Variants in PITPNC1 observed in about 807,000 individuals in gnomAD.
PITPNC1 encodes the protein cytoplasmic phosphatidylinositol transfer protein 1.
Under a neutral mutation model 44.7 loss-of-function variants are expected in PITPNC1, and 18 were observed. That is an observed-to-expected ratio of 0.40 (90% CI 0.28 to 0.60). The LOEUF (loss-of-function observed/expected upper bound fraction) is 0.60. PITPNC1 is among the 20% of genes least tolerant of loss of function. PITPNC1 has a pLI of 0.39. For missense variants in PITPNC1, 290 were observed against 418.4 expected (o/e 0.69, Z 2.68); for synonymous variants, 141 against 149.6 (o/e 0.94, Z 0.42).
chr17:67,496,477 CTGTGT>C (rs1243224147), intron 1 of PITPNC1, among the ~76,000 whole-genome samples: 1 of 152,138 alleles, frequency 6.6e-6, no homozygotes, highest in African/African-American at 2.4e-5. Context: ...AAAACCTGTG[CTGTGT>C]TGAGTGCACC....
intron 1 of PITPNC1, 79 bp from the exon 2 acceptor site, chr17:67,532,723 C>A: frequency 8.4e-7 from 1 of 1,187,678 alleles, no homozygotes; most frequent in Non-Finnish European, 1.2e-6. Context: ...TTATTAGTGG[C>A]TTGCCAAGCT....
intron 1 of PITPNC1, among the ~76,000 whole-genome samples, chr17:67,464,387 C>T (rs1417672557): frequency 6.6e-6 from 1 of 152,088 alleles, no homozygotes; most frequent in Non-Finnish European, 1.5e-5. Context: ...CTCAGAACGT[C>T]CTGCTGTTCA....
intron 1 of PITPNC1, among the ~76,000 whole-genome samples, chr17:67,496,230 T>A (rs2039950597): frequency 6.6e-6 from 1 of 152,214 alleles, no homozygotes; most frequent in African/African-American, 2.4e-5. Context: ...AACGAATGCT[T>A]CCGTGATGGA....
intron 8 of PITPNC1, chr17:67,687,076 G>C: frequency 6.2e-7 from 1 of 1,600,654 alleles, no homozygotes; most frequent in Non-Finnish European, 8.6e-7. Context: ...ATATGACAAT[G>C]GATGATGTTC....
At chr17:67,652,509 G>T (rs2042220369) in intron 6 of PITPNC1, among the ~76,000 whole-genome samples, 1 of 152,212 alleles carries the variant, frequency 6.6e-6, no homozygotes, top group Non-Finnish European at 1.5e-5. Context: ...ATACAGATGG[G>T]CTTTAACTAC....
Position 67,648,987 on chromosome 17 carries a change from A to C in PITPNC1, c.462+16749A>C, listed in dbSNP as rs553537675. Among the ~76,000 whole-genome samples the C allele has an allele frequency of 3.9e-5, 6 of 152,144 alleles. No individual in the cohort carries two copies. In the South Asian group the frequency reaches 1.2e-3, roughly 32 times the overall value. ...CAGACAATATAGCAACAGCCCATCT[A>C]CAAAATATTTTTAAAAATTAGCTGG... On this transcript the variant is annotated intron_variant, in intron 6 of 8. Coordinates refer to ENST00000581322, the MANE Select transcript of PITPNC1 (RefSeq NM_012417.4).
intron 1 of PITPNC1, among the ~76,000 whole-genome samples, chr17:67,438,779 C>A (rs1198795071): frequency 6.6e-6 from 1 of 152,144 alleles, no homozygotes; most frequent in Admixed American, 6.6e-5. Context: ...ATACTCTGCC[C>A]CAGCAACAAA....
At chr17:67,662,163 G>A (rs924029107) in intron 6 of PITPNC1, among the ~76,000 whole-genome samples, 5 of 152,040 alleles carry the variant, frequency 3.3e-5, no homozygotes, top group African/African-American at 7.2e-5. Context: ...CATTGAAAGC[G>A]TACAACTTGG....
At chr17:67,686,987 C>G (rs1173125686) in intron 8 of PITPNC1, 1 of 808,274 alleles carries the variant, frequency 1.2e-6, no homozygotes, top group African/African-American at 1.7e-5. Flanking sequence ...TACTGCTCAG[C>G]TACCATCTTT....
chr17:67,491,141 T>C (rs1041913131), intron 1 of PITPNC1, among the ~76,000 whole-genome samples: 2 of 152,226 alleles, frequency 1.3e-5, no homozygotes, highest in Non-Finnish European at 2.9e-5. Flanking sequence ...CACAGTCGGC[T>C]CAGCCTCTGG....
chr17:67,501,377 G>A (rs1039858491), intron 1 of PITPNC1, among the ~76,000 whole-genome samples: 9 of 152,122 alleles, frequency 5.9e-5, no homozygotes, highest in African/African-American at 1.4e-4. Context: ...CTCAGCCATC[G>A]TCATCTGGCT....
At chr17:67,593,774 A>G (rs1180779818) in intron 5 of PITPNC1, among the ~76,000 whole-genome samples, 1 of 152,088 alleles carries the variant, frequency 6.6e-6, no homozygotes, top group Non-Finnish European at 1.5e-5. Context: ...TGTTCCATGA[A>G]ACTCAAACCT....
intron 1 of PITPNC1, among the ~76,000 whole-genome samples, chr17:67,383,252 A>G (rs1162130822): frequency 1.3e-5 from 2 of 152,122 alleles, no homozygotes; most frequent in Non-Finnish European, 2.9e-5. Context: ...GAGCCATTTC[A>G]TTTTATAATG....
chr17:67,568,512 T>A (rs150373276), intron 4 of PITPNC1, among the ~76,000 whole-genome samples: 200 of 152,270 alleles, frequency 1.3e-3, no homozygotes, highest in Non-Finnish European at 2.6e-3. Context: ...AATAAAGCTA[T>A]TTTTTATTTA....
chr17:67,417,327 C>T (rs2038603855), intron 1 of PITPNC1, among the ~76,000 whole-genome samples: 1 of 151,736 alleles, frequency 6.6e-6, no homozygotes, highest in South Asian at 2.1e-4. Context: ...ACAGGTCTTG[C>T]TATGTTTGCC....
At chr17:67,386,448 C>G (rs1448210959) in intron 1 of PITPNC1, among the ~76,000 whole-genome samples, 1 of 152,210 alleles carries the variant, frequency 6.6e-6, no homozygotes, top group East Asian at 1.9e-4. Flanking sequence ...CCGCCTCGGC[C>G]TCTCAGAGTG....
intron 8 of PITPNC1, among the ~76,000 whole-genome samples, chr17:67,685,857 G>A (rs879917507): frequency 6.6e-6 from 1 of 151,846 alleles, no homozygotes; most frequent in African/African-American, 2.4e-5. Flanking sequence ...TTGAGACAGG[G>A]TCTCACTCTG....
chr17:67,513,220 C>T (rs2040210420), intron 1 of PITPNC1, among the ~76,000 whole-genome samples: 1 of 151,788 alleles, frequency 6.6e-6, no homozygotes, highest in African/African-American at 2.4e-5. Flanking sequence ...AAAAATTAGC[C>T]AGGCATGGCG....
chr17:67,479,659 AT>A (rs999587730), intron 1 of PITPNC1, among the ~76,000 whole-genome samples: 2 of 151,530 alleles, frequency 1.3e-5, no homozygotes, highest in African/African-American at 2.4e-5. Flanking sequence ...AAAGATTATG[AT>A]TTTTTTTTCT....
Sources: gnomAD v4.1 joint callset for allele counts (sites outside exome capture counted in the v4.1 genomes callset) on GRCh38, gnomAD v4.1.1 for gene constraint, MANE v1.5 for transcripts, NCBI Gene and HGNC (gene_info 2026-07-23, HGNC 2026-07-21) for gene names.